MCEE: variants seen among roughly 807,000 people sequenced by gnomAD.
MCEE encodes methylmalonyl-CoA epimerase, mitochondrial.
MCEE carries 6 observed loss-of-function variants against 12.9 expected under a neutral mutation model. The observed-to-expected ratio is 0.47, with a 90% CI of 0.26 to 0.92. MCEE has a LOEUF of 0.92. Among genes scored for constraint, MCEE ranks in the 40% least tolerant of loss-of-function variants. MCEE has a pLI of 0.16. For missense variants in MCEE, 214 were observed against 212.1 expected (o/e 1.01, Z -0.05); for synonymous variants, 78 against 77.9 (o/e 1.00, Z -0.01).
intron 2 of MCEE, among the ~76,000 whole-genome samples, chr2:71,111,297 G>A (rs749861237): frequency 2.4e-4 from 37 of 152,252 alleles, no homozygotes; most frequent in African/African-American, 7.5e-4. Context: ...CTAGAAGCTC[G>A]TGGCAGGAAC....
chr2:71,121,987 T>C (rs1369190779), intron 2 of MCEE, among the ~76,000 whole-genome samples: 1 of 152,152 alleles, frequency 6.6e-6, no homozygotes, highest in Admixed American at 6.5e-5. Context: ...GATATGACCA[T>C]GGGCAAATTA....
Position 71,130,193 on chromosome 2 carries a change from G to C in MCEE, c.27C>G (p.Ala9=). ...CCCGGTATTCACCTACGGCATTCGC[G>C]GCTGCAGCCTTCAGCACCCGCGCCA... The part of the protein sequence containing the change: MARVLKAA[A]ANAVGLFSRL... Residue 9 remains alanine (A), a synonymous_variant, in exon 1 of 3, where the codon GCC becomes GCG. Coordinates refer to ENST00000244217, the MANE Select transcript of MCEE (RefSeq NM_032601.4). The C allele has an allele frequency of 6.2e-7, 1 of 1,608,686 alleles. No individual in the cohort carries two copies. Among genetic ancestry groups the C allele is most frequent in the African/African-American group, 1.3e-5 (1 of 74,994 alleles).
At chr2:71,111,560 T>C (rs1229586212) in intron 2 of MCEE, among the ~76,000 whole-genome samples, 1 of 152,180 alleles carries the variant, frequency 6.6e-6, no homozygotes, top group East Asian at 1.9e-4. Context: ...TGTGGATTAT[T>C]CCCTCTAATC....
chr2:71,129,417 C>T (rs1247812884), intron 1 of MCEE, among the ~76,000 whole-genome samples: 1 of 151,272 alleles, frequency 6.6e-6, no homozygotes, highest in African/African-American at 2.4e-5. Context: ...AACTCTGGGG[C>T]ATTACCACTT....
chr2:71,111,058 T>C (rs1444434653), intron 2 of MCEE, among the ~76,000 whole-genome samples: 1 of 152,252 alleles, frequency 6.6e-6, no homozygotes, highest in Admixed American at 6.5e-5. Context: ...CCAAGGATTA[T>C]ATGCTGAATT....
intron 2 of MCEE, among the ~76,000 whole-genome samples, chr2:71,114,088 A>G (rs1394941330): frequency 4.6e-5 from 7 of 152,126 alleles, no homozygotes; most frequent in Non-Finnish European, 8.8e-5. Context: ...AAAAGGTTAG[A>G]AAACAAAACA....
At chr2:71,123,492 CAAAAAAA>C (rs58746349) in intron 2 of MCEE, among the ~76,000 whole-genome samples, 1 of 104,026 alleles carries the variant, frequency 9.6e-6, no homozygotes, top group African/African-American at 3.3e-5. Flanking sequence ...GACTCCGTCT[CAAAAAAA>C]AAAAAAAAAA....
intron 2 of MCEE, among the ~76,000 whole-genome samples, chr2:71,121,357 C>G (rs1048116223): frequency 1.3e-5 from 2 of 152,182 alleles, no homozygotes; most frequent in Admixed American, 6.5e-5. Flanking sequence ...GTGTCATGGA[C>G]AGCAGAGCTG....
intron 2 of MCEE, among the ~76,000 whole-genome samples, chr2:71,123,359 C>A (rs556518240): frequency 3.3e-5 from 5 of 151,956 alleles, no homozygotes; most frequent in Non-Finnish European, 7.4e-5. Context: ...GGCATGGTGG[C>A]GCATGCCTGT....
At chr2:71,122,104 AT>A (rs1673110850) in intron 2 of MCEE, among the ~76,000 whole-genome samples, 1 of 152,232 alleles carries the variant, frequency 6.6e-6, no homozygotes, top group Admixed American at 6.5e-5. Context: ...CTTTGTAGAC[AT>A]ACTACTAGAG....
At chr2:71,130,138 C>T (rs767971728) in intron 1 of MCEE, 42 bp downstream of exon 1, 14 of 1,597,266 alleles carry the variant, frequency 8.8e-6, no homozygotes, top group Non-Finnish European at 1.2e-5. Context: ...CGTTCCCACG[C>T]TCCCTGTCCC....
chr2:71,124,134 T>G (rs780346208), intron 2 of MCEE, 72 bp downstream of exon 2: 1 of 1,167,254 alleles, frequency 8.6e-7, no homozygotes, highest in Non-Finnish European at 1.3e-6. Context: ...TGACCATAAA[T>G]AGACTTAAAA....
intron 2 of MCEE, among the ~76,000 whole-genome samples, 191 bp downstream of exon 2, chr2:71,124,015 T>C (rs1673157276): frequency 6.6e-6 from 1 of 152,184 alleles, no homozygotes; most frequent in South Asian, 2.1e-4. Context: ...ATTAATATTA[T>C]ATGTTAGAAT....
intron 2 of MCEE, among the ~76,000 whole-genome samples, chr2:71,122,276 G>A (rs971924342): frequency 1.3e-5 from 2 of 152,112 alleles, no homozygotes; most frequent in African/African-American, 4.8e-5. Context: ...TGGGACTACA[G>A]GTGCATACCA....
At chr2:71,118,943 T>G (rs1673047439) in intron 2 of MCEE, among the ~76,000 whole-genome samples, 1 of 149,156 alleles carries the variant, frequency 6.7e-6, no homozygotes, top group African/African-American at 2.6e-5. Context: ...GTCTCTGGCT[T>G]CCCCGGGGCA....
chr2:71,109,851 G>T lies in MCEE; in HGVS notation c.*119C>A. 2.4e-6 allele frequency: 2 copies of T among 830,416 alleles called. No homozygotes were observed. Among genetic ancestry groups the T allele is most frequent in the Non-Finnish European group, 3.9e-6 (2 of 515,706 alleles). 51.4% of individuals were successfully genotyped at this position (830,416 alleles called of 1,614,324 possible). The stretch of plus-strand genomic sequence containing the variant: ...TATATTTTAATCTTTCTGTAATTCA[G>T]TCTTTAACTGTGAACTTTTACATGA... On this transcript the variant is annotated 3_prime_UTR_variant, in exon 3 of 3. Transcript: ENST00000244217.
intron 1 of MCEE, chr2:71,129,861 A>G: frequency 2.1e-6 from 1 of 487,710 alleles, no homozygotes; most frequent in Non-Finnish European, 3.8e-6. Flanking sequence ...ATCCGCTTCT[A>G]TTTACTTCTG....
intron 2 of MCEE, among the ~76,000 whole-genome samples, chr2:71,121,678 T>C (rs1187764448): frequency 7.0e-6 from 1 of 143,238 alleles, no homozygotes; most frequent in Non-Finnish European, 1.5e-5. Context: ...GGAATACTGA[T>C]AGTGCAGTGT....
chr2:71,122,510 C>A (rs1462329977), intron 2 of MCEE, among the ~76,000 whole-genome samples: 1 of 152,164 alleles, frequency 6.6e-6, no homozygotes, highest in Non-Finnish European at 1.5e-5. Flanking sequence ...TTCCACGTGG[C>A]TGGGGAGGCC....
Sources: allele counts gnomAD v4.1 joint callset (sites outside exome capture counted in the v4.1 genomes callset), GRCh38; gene constraint gnomAD v4.1.1; transcripts MANE v1.5; gene names NCBI Gene and HGNC (gene_info 2026-07-23, HGNC 2026-07-21).